SLC16A7: variants seen among roughly 807,000 people sequenced by gnomAD.
SLC16A7 encodes monocarboxylate transporter 2.
In SLC16A7, 33 loss-of-function variants were observed where a neutral mutation model predicts 34.9. The observed-to-expected ratio is 0.94, with a 90% CI of 0.72 to 1.26. The LOEUF (loss-of-function observed/expected upper bound fraction) is 1.26, where lower values mean the gene tolerates loss of function less well. SLC16A7 is among the 50% of genes most tolerant of loss of function. The pLI, the probability that SLC16A7 is intolerant of heterozygous loss-of-function variation, is 0.00. For missense variants in SLC16A7, 573 were observed against 578.1 expected, an observed-to-expected ratio of 0.99 and a Z score of 0.09; for synonymous variants, 201 against 206.6, an observed-to-expected ratio of 0.97 and a Z score of 0.23.
rs143443804 is a variant in SLC16A7, at chr12:59,630,349, A to G, written c.-129-24803A>G. Among the ~76,000 whole-genome samples the G allele has an allele frequency of 8.6e-4, 131 of 152,022 alleles. 3 individuals carry two copies. Among genetic ancestry groups the G allele is most frequent in the Admixed American group, 7.5e-3 (115 of 15,232 alleles). On this transcript the variant is annotated intron_variant, in intron 1 of 5. Coordinates refer to ENST00000547379, the MANE Select transcript of SLC16A7 (RefSeq NM_001270623.2). ...TAATCCAGTACATTTTGCAAATGGT[A>G]GTAGTTAGACACAGTTGGAAGATCA...
At chr12:59,637,163 A>C (rs1480830890) in intron 1 of SLC16A7, among the ~76,000 whole-genome samples, 1 of 152,076 alleles carries the variant, frequency 6.6e-6, no homozygotes, top group Non-Finnish European at 1.5e-5. Flanking sequence ...CAGTCCCTTC[A>C]CTGCCCCTTT....
At chr12:59,740,382 C>G (rs1286078696) in intron 3 of SLC16A7, among the ~76,000 whole-genome samples, 2 of 152,094 alleles carry the variant, frequency 1.3e-5, no homozygotes. Context: ...TCTGAGGGCT[C>G]TGTTCTGTTC....
chr12:59,753,858 A>G lies in SLC16A7; in HGVS notation c.218-17361A>G, dbSNP rs537885452. The stretch of plus-strand genomic sequence containing the variant: ...CAAAATTGACCACATACTTGGAAGT[A>G]AAGCTCTCCTCAGCAAATGTAAAAG... On this transcript the variant is annotated intron_variant, in intron 3 of 5. Coordinates refer to ENST00000547379, the MANE Select transcript of SLC16A7 (RefSeq NM_001270623.2). Among the ~76,000 whole-genome samples, 3 of 152,316 alleles carry G rather than the reference A, an allele frequency of 2.0e-5. No individual in the cohort carries two copies. In the South Asian group the frequency reaches 6.2e-4, roughly 32 times the overall value.
At chr12:59,706,996 GT>G (rs902808306) in intron 3 of SLC16A7, among the ~76,000 whole-genome samples, 47 of 152,120 alleles carry the variant, frequency 3.1e-4, no homozygotes, top group Middle Eastern at 3.4e-3. Context: ...AACAATACAG[GT>G]TATTTCTTTC....
chr12:59,758,630 C>T (rs1470930416), intron 3 of SLC16A7, among the ~76,000 whole-genome samples: 2 of 151,886 alleles, frequency 1.3e-5, no homozygotes, highest in Non-Finnish European at 2.9e-5. Context: ...ATAATGATTA[C>T]CAGTTTATAT....
intron 3 of SLC16A7, among the ~76,000 whole-genome samples, chr12:59,752,810 C>T (rs960741784): frequency 3.3e-5 from 5 of 152,118 alleles, no homozygotes; most frequent in African/African-American, 9.7e-5. Flanking sequence ...TTGTCAGATT[C>T]ACCAAAGTTG....
intron 2 of SLC16A7, among the ~76,000 whole-genome samples, chr12:59,682,081 A>C (rs1343031463): frequency 6.6e-6 from 1 of 152,212 alleles, no homozygotes; most frequent in Non-Finnish European, 1.5e-5. Context: ...TTTTGATAAG[A>C]CTAAAATTTC....
chr12:59,659,212 A>G (rs541204588), intron 2 of SLC16A7, among the ~76,000 whole-genome samples: 52 of 152,184 alleles, frequency 3.4e-4, no homozygotes, highest in African/African-American at 1.2e-3. Flanking sequence ...GTGCACGCAC[A>G]CACACACACA....
At chr12:59,681,592 C>G (rs1870754349) in intron 2 of SLC16A7, among the ~76,000 whole-genome samples, 1 of 152,058 alleles carries the variant, frequency 6.6e-6, no homozygotes, top group African/African-American at 2.4e-5. Flanking sequence ...TCAGGAGATC[C>G]CTACAAGTTA....
intron 1 of SLC16A7, among the ~76,000 whole-genome samples, chr12:59,650,130 C>T (rs1457223634): frequency 6.6e-6 from 1 of 151,264 alleles, no homozygotes; most frequent in Admixed American, 6.6e-5. Context: ...TATTAATTTC[C>T]ATTGTTAAAT....
intron 5 of SLC16A7, 62 bp downstream of exon 5, chr12:59,775,537 T>A: frequency 2.5e-6 from 3 of 1,176,886 alleles, no homozygotes; most frequent in Non-Finnish European, 3.7e-6. Context: ...TAACGGAGAC[T>A]TTATATACAG....
chr12:59,631,857 A>C (rs529201594), intron 1 of SLC16A7, among the ~76,000 whole-genome samples: 1 of 152,118 alleles, frequency 6.6e-6, no homozygotes, highest in Admixed American at 6.6e-5. Context: ...TGGGAAAGTA[A>C]ATATAAAAGC....
At chr12:59,717,227 G>A (rs1458741978) in intron 3 of SLC16A7, among the ~76,000 whole-genome samples, 1 of 152,090 alleles carries the variant, frequency 6.6e-6, no homozygotes, top group East Asian at 1.9e-4. Context: ...TTGTTATGTG[G>A]GACAAATTTT....
At chr12:59,715,102 A>T (rs1241478940) in intron 3 of SLC16A7, among the ~76,000 whole-genome samples, 1 of 152,144 alleles carries the variant, frequency 6.6e-6, no homozygotes, top group African/African-American at 2.4e-5. Flanking sequence ...CAAATGCATA[A>T]TCCAGAATGT....
intron 2 of SLC16A7, among the ~76,000 whole-genome samples, chr12:59,672,207 TAC>T (rs1869916601): frequency 1.6e-5 from 1 of 60,652 alleles, no homozygotes; most frequent in African/African-American, 4.7e-5. Context: ...TATACATATA[TAC>T]GTATATATAT....
intron 2 of SLC16A7, among the ~76,000 whole-genome samples, chr12:59,685,925 A>G (rs1449197570): frequency 1.3e-5 from 2 of 152,052 alleles, no homozygotes; most frequent in Non-Finnish European, 2.9e-5. Flanking sequence ...ATCTCATATC[A>G]TAACTTTTAT....
chr12:59,733,979 T>C (rs1877279735), intron 3 of SLC16A7: 2 of 371,666 alleles, frequency 5.4e-6, no homozygotes, highest in Admixed American at 3.2e-5. Flanking sequence ...AGGAAGTGCA[T>C]GCTGATTGGT....
rs148832681 is a variant in SLC16A7 at position 59,715,468 on chromosome 12, G to A, written c.217+10450G>A. ...AAACAGCACTTCAGCATTATGCTTT[G>A]AGGCCATTTTAAACAGAAGAATTAC... On this transcript the variant is annotated intron_variant, in intron 3 of 5. Coordinates refer to ENST00000547379, the MANE Select transcript of SLC16A7 (RefSeq NM_001270623.2). Among the ~76,000 whole-genome samples the A allele has an allele frequency of 1.4e-3, 212 of 152,244 alleles. 1 individual carries two copies. Among genetic ancestry groups the A allele is most frequent in the Middle Eastern group, 6.8e-3 (2 of 294 alleles).
chr12:59,704,842 CAGATGGAGG>C lies in SLC16A7; in HGVS notation c.43_51del (p.Asp15_Gly17del), dbSNP rs1275919576. On this transcript the variant is annotated inframe_deletion, in exon 3 of 6. Coordinates refer to ENST00000547379, the MANE Select transcript of SLC16A7 (RefSeq NM_001270623.2). The stretch of plus-strand genomic sequence containing the variant: ...AGTGCCCCACCTGTGCATCCACCTC[CAGATGGAGG>C]ATGGGGTTGGATTGTGGTTGGAGCA... 6.8e-6 allele frequency: 11 copies of C among 1,613,824 alleles called. No homozygotes were observed. The highest frequency in any genetic ancestry group is 9.3e-6 in the Non-Finnish European group (11 of 1,179,842).
Sources: gnomAD v4.1 joint callset for allele counts (sites outside exome capture counted in the v4.1 genomes callset) on GRCh38, gnomAD v4.1.1 for gene constraint, MANE v1.5 for transcripts, NCBI Gene and HGNC (gene_info 2026-07-23, HGNC 2026-07-21) for gene names.